CNGB3: variants seen among roughly 807,000 people sequenced by gnomAD.
CNGB3 encodes cyclic nucleotide-gated channel beta-3.
CNGB3 carries 86 observed loss-of-function variants against 92.8 expected under a neutral mutation model. The ratio of observed to expected loss-of-function variants is 0.93; its 90% CI spans 0.78 to 1.11. CNGB3 has a LOEUF of 1.11. CNGB3 is among the 50% of genes least tolerant of loss of function. The pLI, the probability that CNGB3 is intolerant of heterozygous loss-of-function variation, is 0.00. For missense variants in CNGB3, 1,026 were observed against 956.8 expected (o/e 1.07, Z -0.95); for synonymous variants, 333 against 332.7 (o/e 1.00, Z -0.01).
At chr8:86,694,297 G>T (rs554468538) in intron 3 of CNGB3, among the ~76,000 whole-genome samples, 3 of 150,458 alleles carry the variant, frequency 2.0e-5, no homozygotes, top group African/African-American at 2.4e-5. Context: ...CAGTAGGGGC[G>T]GCCGGGCTGA....
intron 16 of CNGB3, 41 bp downstream of exon 16, chr8:86,579,065 A>G: frequency 1.2e-6 from 2 of 1,613,766 alleles, no homozygotes; most frequent in Non-Finnish European, 1.7e-6. Context: ...ACAAAGTAAA[A>G]CCAACTCCAT....
In CNGB3 at chr8:86,575,676, A is replaced by G; in HGVS notation, c.*128T>C. 1.4e-6 allele frequency: 1 copy of G among 730,972 alleles called. No individual in the cohort carries two copies. Among genetic ancestry groups the G allele is most frequent in the South Asian group, 1.8e-5 (1 of 54,120 alleles). 45.3% of individuals were successfully genotyped at this position (730,972 alleles called of 1,614,324 possible). A position where few individuals can be genotyped will look rare whatever the true frequency, so the allele number is the denominator to read the frequency against. On this transcript the variant is annotated 3_prime_UTR_variant, in exon 18 of 18. Coordinates refer to ENST00000320005, the MANE Select transcript of CNGB3 (RefSeq NM_019098.5). ...CACTCTCAGATAAGTCCTAGAAACT[A>G]AGCTAGGGATTTGCCTTTCGTTTCT...
At position 86,643,765 on chromosome 8, in the gene CNGB3, A is replaced by G. The variant is rs1001946105; in HGVS notation, c.1164T>C (p.Asp388=). The change falls in exon 10 of 18, where the codon GAT becomes GAC. Residue 388 remains aspartate, a synonymous_variant. Coordinates refer to ENST00000320005, the MANE Select transcript of CNGB3 (RefSeq NM_019098.5). ...EGIGTTRWVY[D]GEGNEYLRCY... ...TCAGAACTTACTCGTTTCCTTCCCC[A>G]TCATACACCCATCTAGTAGTGCCAA... The G allele has an allele frequency of 1.9e-6, 3 of 1,605,650 alleles. No homozygotes were observed. The highest frequency in any genetic ancestry group is 1.1e-5 in the South Asian group (1 of 90,836).
intron 3 of CNGB3, among the ~76,000 whole-genome samples, chr8:86,695,487 T>C (rs1824432753): frequency 6.6e-6 from 1 of 152,232 alleles, no homozygotes; most frequent in Non-Finnish European, 1.5e-5. Flanking sequence ...TTTCTCTAAG[T>C]GTGTCTTTCA....
At chr8:86,643,949 T>C in intron 9 of CNGB3, 76 bp from the exon 10 acceptor site, 1 of 1,527,994 alleles carries the variant, frequency 6.5e-7, no homozygotes, top group Non-Finnish European at 8.9e-7. Flanking sequence ...TTTCTTTTCC[T>C]TAAAGTCACC....
chr8:86,643,606 T>C, intron 10 of CNGB3, 145 bp downstream of exon 10: 1 of 835,434 alleles, frequency 1.2e-6, no homozygotes, highest in Non-Finnish European at 1.9e-6. Context: ...ATGACATGAT[T>C]TTATCCTTTT....
chr8:86,680,977 G>A (rs1453686742), intron 3 of CNGB3, among the ~76,000 whole-genome samples: 1 of 152,110 alleles, frequency 6.6e-6, no homozygotes, highest in Non-Finnish European at 1.5e-5. Flanking sequence ...TATCCCCAAG[G>A]TAAACGGCTC....
At chr8:86,741,635 C>T (rs963493598) in intron 1 of CNGB3, among the ~76,000 whole-genome samples, 1 of 151,444 alleles carries the variant, frequency 6.6e-6, no homozygotes, top group African/African-American at 2.4e-5. Flanking sequence ...CACTGCACTC[C>T]AGCCTGGGCG....
At chr8:86,649,302 G>T (rs910960844) in intron 7 of CNGB3, among the ~76,000 whole-genome samples, 1 of 151,138 alleles carries the variant, frequency 6.6e-6, no homozygotes, top group African/African-American at 2.4e-5. Context: ...TTTTTTCACA[G>T]AATTAGAAAA....
rs57486853 is a variant in CNGB3 at position 86,635,821 on chromosome 8, GATATATATAT to G, written c.1179-2938_1179-2929del. Among the ~76,000 whole-genome samples, 216 of 60,590 alleles carry G rather than the reference GATATATATAT, an allele frequency of 3.6e-3. 3 individuals carry two copies. Among genetic ancestry groups the G allele is most frequent in the African/African-American group, 0.012 (186 of 15,510 alleles). 39.7% of individuals were successfully genotyped at this position (60,590 alleles called of 152,430 possible). ...ACAATGCATCAACTGTATAACACAT[GATATATATAT>G]ATATATATATATATATATATATATA... On this transcript the variant is annotated intron_variant, in intron 10 of 17. Transcript: ENST00000320005.
rs150799474 is a variant in CNGB3, at chr8:86,671,922, C to T, written c.339-824G>A. Among the ~76,000 whole-genome samples, 8 of 152,302 alleles carry T rather than the reference C, an allele frequency of 5.3e-5. No homozygotes were observed. In the East Asian group the frequency reaches 1.5e-3, roughly 29 times the overall value. On this transcript the variant is annotated intron_variant, in intron 3 of 17. Transcript: ENST00000320005. Reference sequence around the variant, plus strand: ...AAGAACCCGGTTGAGCCCACTCAGACTTCTGATTTGGACCCATTTGCTAAT... The same window carrying T: ...AAGAACCCGGTTGAGCCCACTCAGATTTCTGATTTGGACCCATTTGCTAAT...
chr8:86,576,624 C>G (rs1821667237), intron 17 of CNGB3, among the ~76,000 whole-genome samples: 1 of 152,130 alleles, frequency 6.6e-6, no homozygotes, highest in Non-Finnish European at 1.5e-5. Context: ...TTCCATTTGT[C>G]CCACAGGTGC....
intron 2 of CNGB3, among the ~76,000 whole-genome samples, chr8:86,737,717 C>G (rs1394905644): frequency 6.6e-6 from 1 of 152,080 alleles, no homozygotes; most frequent in Non-Finnish European, 1.5e-5. Context: ...GGTAGTTTTT[C>G]TAGCCTCACC....
At chr8:86,708,681 C>T (rs1305178969) in intron 3 of CNGB3, among the ~76,000 whole-genome samples, 1 of 151,074 alleles carries the variant, frequency 6.6e-6, no homozygotes, top group African/African-American at 2.4e-5. Flanking sequence ...GATCCTCTCG[C>T]CTCAGACCTC....
chr8:86,619,335 G>T (rs767718643), intron 13 of CNGB3, among the ~76,000 whole-genome samples: 5 of 152,134 alleles, frequency 3.3e-5, no homozygotes, highest in Non-Finnish European at 5.9e-5. Flanking sequence ...AGGGGAAATT[G>T]CCCATCTCAT....
chr8:86,692,601 T>A (rs1824342271), intron 3 of CNGB3, among the ~76,000 whole-genome samples: 1 of 152,186 alleles, frequency 6.6e-6, no homozygotes, highest in African/African-American at 2.4e-5. Flanking sequence ...CCCCTTTACC[T>A]TAAGTTTATG....
chr8:86,607,207 C>T (rs1013002989), intron 14 of CNGB3, among the ~76,000 whole-genome samples: 1 of 152,166 alleles, frequency 6.6e-6, no homozygotes, highest in Non-Finnish European at 1.5e-5. Context: ...CGAACCAAAA[C>T]TTCCACTATT....
At chr8:86,702,061 T>C (rs1307162528) in intron 3 of CNGB3, among the ~76,000 whole-genome samples, 1 of 152,230 alleles carries the variant, frequency 6.6e-6, no homozygotes, top group Non-Finnish European at 1.5e-5. Context: ...ATTTTAATGG[T>C]TGTTAATAAA....
chr8:86,603,171 T>G (rs980312000), intron 15 of CNGB3, among the ~76,000 whole-genome samples: 1 of 152,208 alleles, frequency 6.6e-6, no homozygotes, highest in Non-Finnish European at 1.5e-5. Context: ...TTTTCCTTCA[T>G]AGTAGTTATT....
Sources: allele counts gnomAD v4.1 joint callset (sites outside exome capture counted in the v4.1 genomes callset), GRCh38; gene constraint gnomAD v4.1.1; transcripts MANE v1.5; gene names NCBI Gene and HGNC (gene_info 2026-07-23, HGNC 2026-07-21).